The following ADAMTS9 variants were observed in gnomAD, a reference collection of about 807,000 sequenced individuals.
ADAMTS9 encodes the protein A disintegrin and metalloproteinase with thrombospondin motifs 9.
Under a neutral mutation model 257.1 loss-of-function variants are expected in ADAMTS9, and 107 were observed. That is an observed-to-expected ratio of 0.42 (90% CI 0.36 to 0.49). ADAMTS9 has a LOEUF of 0.49. ADAMTS9 is among the 20% of genes least tolerant of loss of function. The pLI is 0.03. For synonymous variants in ADAMTS9, 982 were observed against 880.9 expected (o/e 1.11, Z -2.03); for missense variants, 2,353 against 2,469.1 (o/e 0.95, Z 1.00).
At chr3:64,664,483 T>C (rs1022508518) in intron 3 of ADAMTS9, among the ~76,000 whole-genome samples, 2 of 152,182 alleles carry the variant, frequency 1.3e-5, no homozygotes, top group Non-Finnish European at 2.9e-5. Flanking sequence ...TTGTTCTATT[T>C]ATGAATTTGC....
At chr3:64,576,356 G>A (rs941691646) in intron 28 of ADAMTS9, among the ~76,000 whole-genome samples, 8 of 152,114 alleles carry the variant, frequency 5.3e-5, no homozygotes, top group Non-Finnish European at 1.2e-4. Flanking sequence ...TCCCTGCCAC[G>A]CCCTGCTCTG....
chr3:64,558,087 C>A (rs183089477), intron 30 of ADAMTS9, among the ~76,000 whole-genome samples: 18 of 152,100 alleles, frequency 1.2e-4, no homozygotes, highest in Non-Finnish European at 1.3e-4. Flanking sequence ...GTGTTACAAC[C>A]CAGTAAAGGG....
At chr3:64,663,883 C>G (rs1701284337) in intron 3 of ADAMTS9, among the ~76,000 whole-genome samples, 1 of 152,112 alleles carries the variant, frequency 6.6e-6, no homozygotes, top group Non-Finnish European at 1.5e-5. Context: ...CAACTAATTT[C>G]TATCACATTA....
At chr3:64,614,350 C>G (rs369726583) in intron 21 of ADAMTS9, among the ~76,000 whole-genome samples, 1 of 152,162 alleles carries the variant, frequency 6.6e-6, no homozygotes, top group African/African-American at 2.4e-5. Context: ...GTTTGCAGTT[C>G]ATTTGTCCAG....
chr3:64,548,351 G>A (rs1368677078), intron 31 of ADAMTS9, among the ~76,000 whole-genome samples: 1 of 152,168 alleles, frequency 6.6e-6, no homozygotes, highest in Non-Finnish European at 1.5e-5. Context: ...GGCTGCTGCT[G>A]TTCAAATGTT....
intron 28 of ADAMTS9, among the ~76,000 whole-genome samples, chr3:64,591,226 A>G (rs1236844042): frequency 1.3e-5 from 2 of 152,082 alleles, no homozygotes; most frequent in South Asian, 2.1e-4. Flanking sequence ...GATCACCTGA[A>G]GTCATGAGTT....
Position 64,662,457 on chromosome 3 carries a change from T to A in ADAMTS9, c.680-3666A>T, listed in dbSNP as rs554054877. 8.5e-5 allele frequency among the ~76,000 whole-genome samples: 13 copies of A among 152,238 alleles called. No homozygotes were observed. In the South Asian group the frequency reaches 2.5e-3, roughly 29 times the overall value. ...GGCAACTTTTCTACTTCCTTGTCAA[T>A]CTTCTGCCTGGCTGCTCTATCCATT... On this transcript the variant is annotated intron_variant, in intron 3 of 39. Transcript: ENST00000498707.
chr3:64,537,687 G>A (rs1424647092), intron 37 of ADAMTS9, among the ~76,000 whole-genome samples: 2 of 152,162 alleles, frequency 1.3e-5, no homozygotes, highest in South Asian at 2.1e-4. Context: ...TTCTGAACGC[G>A]TCACAGAATC....
At chr3:64,651,524 TAG>T (rs1471077995) in intron 8 of ADAMTS9, among the ~76,000 whole-genome samples, 1 of 152,150 alleles carries the variant, frequency 6.6e-6, no homozygotes, top group Non-Finnish European at 1.5e-5. Flanking sequence ...GGGCAATTTA[TAG>T]AGTCAAGAAT....
rs138870035 is a variant in ADAMTS9, at chr3:64,647,958, C to G, written c.1692G>C (p.Thr564=). The change falls in exon 11 of 40, where the codon ACG becomes ACC. Residue 564 remains threonine (T), a synonymous_variant. Coordinates refer to ENST00000498707, the MANE Select transcript of ADAMTS9 (RefSeq NM_182920.2). Reference sequence around the variant, plus strand: ...TACTTGCCTTTCCAGGCTCGCACTCCGTCCCATCGGCCCAGGGTGTGTGCT... The same window carrying G: ...TACTTGCCTTTCCAGGCTCGCACTCGGTCCCATCGGCCCAGGGTGTGTGCT... The part of the protein sequence containing the change: ...RTQHTPWADG[T]ECEPGKHCKY... The G allele has an allele frequency of 4.3e-6, 7 of 1,613,830 alleles. No individual in the cohort carries two copies. The South Asian group carries it at 5.5e-5, about 13-fold the overall frequency.
intron 38 of ADAMTS9, among the ~76,000 whole-genome samples, chr3:64,522,741 T>C (rs1158595629): frequency 6.6e-6 from 1 of 152,180 alleles, no homozygotes; most frequent in East Asian, 1.9e-4. Context: ...GAGTGATGTG[T>C]GTATTGCTAG....
rs182686897 is a variant in ADAMTS9, at chr3:64,516,190, T to G, written c.*937A>C. On this transcript the variant is annotated 3_prime_UTR_variant, in exon 40 of 40. Coordinates refer to ENST00000498707, the MANE Select transcript of ADAMTS9 (RefSeq NM_182920.2). ...GGTCATGCCCATTCTGTGCATCCTG[T>G]GTCTTTCTACTGGTAAACTTGGATG... 6.6e-6 allele frequency: 1 copy of G among 152,586 alleles called. No homozygotes were observed. Among genetic ancestry groups the G allele is most frequent in the East Asian group, 1.9e-4 (1 of 5,176 alleles). 9.5% of individuals were successfully genotyped at this position (152,586 alleles called of 1,614,324 possible).
In ADAMTS9 at chr3:64,641,991, G is replaced by A. The variant is rs774002774; in HGVS notation, c.1713C>T (p.His571=). 3.1e-6 allele frequency: 5 copies of A among 1,614,120 alleles called. No homozygotes were observed. In the African/African-American group the frequency reaches 5.3e-5, roughly 17 times the overall value. Residue 571 remains histidine (H), a splice_region_variant and synonymous_variant, in exon 12 of 40, where the codon CAC becomes CAT. Transcript: ENST00000498707. Reference sequence around the variant, plus strand: ...TGGGAACACAAAATCCATACTTGCAGTGCTGTATTTAATAAGGGGAATAGT... The same window carrying A: ...TGGGAACACAAAATCCATACTTGCAATGCTGTATTTAATAAGGGGAATAGT... ...ADGTECEPGK[H]CKYGFCVPKE... is the part of the protein sequence containing the mutation.
chr3:64,673,431 G>T (rs4387961), intron 3 of ADAMTS9, among the ~76,000 whole-genome samples: 1 of 151,776 alleles, frequency 6.6e-6, no homozygotes, highest in Non-Finnish European at 1.5e-5. Flanking sequence ...GAAGCAAAGA[G>T]TAGGGGCAAT....
At chr3:64,637,464 C>A (rs2106909225) in intron 12 of ADAMTS9, among the ~76,000 whole-genome samples, 1 of 152,308 alleles carries the variant, frequency 6.6e-6, no homozygotes, top group East Asian at 1.9e-4. Flanking sequence ...TTCTTTCAAG[C>A]ACATATTACA....
intron 14 of ADAMTS9, among the ~76,000 whole-genome samples, chr3:64,633,032 T>C (rs915504918): frequency 2.0e-5 from 3 of 152,126 alleles, no homozygotes; most frequent in Admixed American, 6.5e-5. Flanking sequence ...CAGGTAAAAA[T>C]GATCGTGGTT....
intron 3 of ADAMTS9, among the ~76,000 whole-genome samples, chr3:64,675,786 G>A (rs895341946): frequency 6.6e-6 from 1 of 152,110 alleles, no homozygotes; most frequent in African/African-American, 2.4e-5. Context: ...ACCTCTTTGA[G>A]CTAATTTTCT....
Position 64,687,017 on chromosome 3 carries a change from A to G in ADAMTS9, c.116-49T>C, listed in dbSNP as rs759920768. ...TGAACCAATAATTCATTTTTCCTTA[A>G]GCTTTAATTTAAAACGAAGGTGGGG... is the stretch of plus-strand genomic sequence containing the variant. On this transcript the variant is annotated intron_variant, in intron 1 of 39. Transcript: ENST00000498707. This position sits in a 1 kb window ranked among gnomAD's most constrained non-coding sequence, Gnocchi z 4.4. 3 of 1,560,864 alleles carry G rather than the reference A, an allele frequency of 1.9e-6. No homozygotes were observed. Among genetic ancestry groups the G allele is most frequent in the Non-Finnish European group, 2.6e-6 (3 of 1,155,042 alleles).
At chr3:64,606,875 A>T in intron 23 of ADAMTS9, 85 bp downstream of exon 23, 1 of 1,550,968 alleles carries the variant, frequency 6.4e-7, no homozygotes, top group Non-Finnish European at 8.8e-7. Context: ...TATCTATGAA[A>T]GGATTTCAAT....
Sources: gnomAD v4.1 joint callset for allele counts (sites outside exome capture counted in the v4.1 genomes callset) on GRCh38, gnomAD v4.1.1 for gene constraint, Gnocchi (gnomAD v3.1) non-coding constraint, MANE v1.5 for transcripts, NCBI Gene and HGNC (gene_info 2026-07-23, HGNC 2026-07-21) for gene names.